Variants in ZC3H12B observed in about 807,000 individuals in gnomAD.
ZC3H12B encodes zinc finger CCCH-type containing 12B.
In ZC3H12B, 7 loss-of-function variants were observed where a neutral mutation model predicts 43.9. The ratio of observed to expected loss-of-function variants is 0.16; its 90% CI spans 0.09 to 0.30. The LOEUF is 0.30. Ranked by LOEUF, ZC3H12B falls within the 10% of genes least tolerant of loss-of-function variation. ZC3H12B has a pLI of 1.00. For synonymous variants in ZC3H12B, 222 were observed against 241.7 expected (o/e 0.92, Z 0.76); for missense variants, 475 against 670.2 (o/e 0.71, Z 3.22).
chrX:65,119,452 T>C, the ZC3H12B span, among the ~76,000 whole-genome samples: 1 of 112,400 alleles, frequency 8.9e-6, no homozygotes, highest in Non-Finnish European at 1.9e-5. Context: ...TGTCTTCTTT[T>C]GAGAAGTGTC....
At chrX:65,152,654 A>G in the ZC3H12B span, among the ~76,000 whole-genome samples, 1 of 111,317 alleles carries the variant, frequency 9.0e-6, no homozygotes, top group Non-Finnish European at 1.9e-5. Context: ...AAATGGCCAT[A>G]CCGCTCAAGG....
intron 3 of ZC3H12B, among the ~76,000 whole-genome samples, chrX:65,452,841 AACACACACACAC>A (rs111853414): frequency 0.074 from 6,778 of 92,130 alleles, 267 homozygotes; most frequent in Non-Finnish European, 0.11. Flanking sequence ...ACTCCATCTA[AACACACACACAC>A]ACACACACAC....
chrX:65,107,671 TATTG>T, the ZC3H12B span, among the ~76,000 whole-genome samples: 1 of 111,104 alleles, frequency 9.0e-6, no homozygotes, highest in African/African-American at 3.3e-5. Context: ...ATTCTCGTGA[TATTG>T]AGTGAGTTCT....
At chrX:65,238,320 C>G in the ZC3H12B span, among the ~76,000 whole-genome samples, 3 of 111,462 alleles carry the variant, frequency 2.7e-5, no homozygotes, top group Non-Finnish European at 5.7e-5. Flanking sequence ...CTCATTCAGT[C>G]TTGGGAGGTG....
the ZC3H12B span, among the ~76,000 whole-genome samples, chrX:65,059,219 A>ACCCCCCCCCCCCCC: frequency 2.6e-5 from 1 of 38,472 alleles, no homozygotes; most frequent in Admixed American, 3.6e-4. Flanking sequence ...TCTTGGAACC[A>ACCCCCCCCCCCCCC]CCCCCCCCCC....
intron 3 of ZC3H12B, among the ~76,000 whole-genome samples, chrX:65,482,315 G>C (rs1008037864): frequency 9.0e-6 from 1 of 110,877 alleles, no homozygotes; most frequent in South Asian, 3.9e-4. Context: ...AGAAAGAAGA[G>C]AGAAGAGGAG....
chrX:65,309,455 G>A, the ZC3H12B span, among the ~76,000 whole-genome samples: 1 of 111,941 alleles, frequency 8.9e-6, no homozygotes, highest in African/African-American at 3.2e-5. Context: ...GGAAGAAGTT[G>A]AATCTCTGAA....
chrX:65,253,933 C>T, the ZC3H12B span, among the ~76,000 whole-genome samples: 1 of 112,210 alleles, frequency 8.9e-6, no homozygotes, highest in Non-Finnish European at 1.9e-5. Context: ...ACTTTCCTGC[C>T]AGTTCAGGTC....
At chrX:65,239,730 T>C in the ZC3H12B span, among the ~76,000 whole-genome samples, 1 of 112,383 alleles carries the variant, frequency 8.9e-6, no homozygotes, top group Admixed American at 9.4e-5. Flanking sequence ...TTCTTTTTCT[T>C]ATTTAGTGTT....
At chrX:65,379,116 G>A (rs914047114) in intron 2 of ZC3H12B, among the ~76,000 whole-genome samples, 1 of 112,141 alleles carries the variant, frequency 8.9e-6, no homozygotes, top group African/African-American at 3.2e-5. Flanking sequence ...ACAGCTCAAG[G>A]AGGCCTGCCT....
the ZC3H12B span, among the ~76,000 whole-genome samples, chrX:65,248,522 C>T: frequency 1.8e-5 from 2 of 112,023 alleles, no homozygotes; most frequent in Non-Finnish European, 3.8e-5. Context: ...GCTTATGATA[C>T]TGGCACTATT....
chrX:65,154,411 G>A, the ZC3H12B span, among the ~76,000 whole-genome samples: 1 of 111,324 alleles, frequency 9.0e-6, no homozygotes, highest in Non-Finnish European at 1.9e-5. Flanking sequence ...TTACAGTTTA[G>A]GCATTAATTT....
At chrX:65,085,529 TTG>T in the ZC3H12B span, among the ~76,000 whole-genome samples, 5 of 111,157 alleles carry the variant, frequency 4.5e-5, no homozygotes, top group East Asian at 1.4e-3. Context: ...TTACCCCAGT[TTG>T]TGTGGCCGAG....
the ZC3H12B span, among the ~76,000 whole-genome samples, chrX:65,230,404 G>A: frequency 9.2e-6 from 1 of 109,006 alleles, no homozygotes; most frequent in African/African-American, 3.4e-5. Context: ...GGAAGGGGGA[G>A]GGATAGCATT....
the ZC3H12B span, among the ~76,000 whole-genome samples, chrX:65,241,661 A>T: frequency 1.2e-4 from 14 of 112,667 alleles, no homozygotes; most frequent in Non-Finnish European, 2.3e-4. Flanking sequence ...GACCCACTGG[A>T]TTCAGCAGGC....
the ZC3H12B span, among the ~76,000 whole-genome samples, chrX:65,228,152 G>C: frequency 1.8e-5 from 2 of 111,500 alleles, no homozygotes; most frequent in Admixed American, 9.5e-5. Context: ...CTGGCAAACC[G>C]AATCCAGCAA....
At chrX:65,497,544 TA>T in intron 2 of ZC3H12B, among the ~76,000 whole-genome samples, 1 of 112,435 alleles carries the variant, frequency 8.9e-6, no homozygotes, top group Non-Finnish European at 1.9e-5. Flanking sequence ...GACTTCAGAC[TA>T]AAGGGTGATG....
chrX:65,207,251 T>TAC, the ZC3H12B span, among the ~76,000 whole-genome samples: 4,358 of 100,989 alleles, frequency 0.043, 211 homozygotes, highest in African/African-American at 0.14. Flanking sequence ...TGTGTATATA[T>TAC]ACACACACAC....
chrX:65,135,618 G>T, the ZC3H12B span, among the ~76,000 whole-genome samples: 10 of 109,380 alleles, frequency 9.1e-5, no homozygotes, highest in Admixed American at 8.8e-4. Context: ...TTTACAGCCA[G>T]TTATTTCTTG....
Sources: allele counts gnomAD v4.1 joint callset (sites outside exome capture counted in the v4.1 genomes callset), GRCh38; gene constraint gnomAD v4.1.1; transcripts MANE v1.5; gene names NCBI Gene and HGNC (gene_info 2026-07-23, HGNC 2026-07-21).